GRIK2: variants seen among roughly 807,000 people sequenced by gnomAD.
GRIK2 encodes glutamate receptor ionotropic, kainate 2.
GRIK2 carries 32 observed loss-of-function variants against 100.3 expected under a neutral mutation model. That is an observed-to-expected ratio of 0.32 (90% confidence interval 0.24 to 0.43). The LOEUF is 0.43. Ranked by LOEUF, GRIK2 falls within the 20% of genes least tolerant of loss-of-function variation. The pLI is 1.00. For synonymous variants in GRIK2, 417 were observed against 389.4 expected (o/e 1.07, Z -0.83); for missense variants, 843 against 1,114.9 (o/e 0.76, Z 3.47).
chr6:101,518,979 A>G (rs1261170704), intron 2 of GRIK2, among the ~76,000 whole-genome samples: 2 of 152,188 alleles, frequency 1.3e-5, no homozygotes, highest in Non-Finnish European at 2.9e-5. Flanking sequence ...TAGAACTTTC[A>G]GGAGGAAAAC....
intron 2 of GRIK2, among the ~76,000 whole-genome samples, chr6:101,513,891 A>G (rs1774445612): frequency 6.6e-6 from 1 of 152,186 alleles, no homozygotes; most frequent in Admixed American, 6.6e-5. Flanking sequence ...AAAAAGGAAG[A>G]GATAATACAA....
At chr6:102,030,948 C>T (rs1769952657) in intron 14 of GRIK2, among the ~76,000 whole-genome samples, 1 of 150,938 alleles carries the variant, frequency 6.6e-6, no homozygotes, top group South Asian at 2.1e-4. Flanking sequence ...AATCTTTCTC[C>T]CCTAAAATTT....
chr6:101,588,667 C>T (rs974353705), intron 2 of GRIK2, among the ~76,000 whole-genome samples: 9 of 144,746 alleles, frequency 6.2e-5, no homozygotes, highest in Non-Finnish European at 7.5e-5. Context: ...CACACGCACA[C>T]GCACACACAC....
chr6:101,612,420 G>A (rs913671425), intron 2 of GRIK2, among the ~76,000 whole-genome samples: 5 of 151,842 alleles, frequency 3.3e-5, no homozygotes, highest in African/African-American at 9.7e-5. Context: ...ATTAATGTTT[G>A]TAAAATACAC....
intron 2 of GRIK2, among the ~76,000 whole-genome samples, chr6:101,604,942 T>C (rs898108952): frequency 6.6e-6 from 1 of 151,892 alleles, no homozygotes; most frequent in Admixed American, 6.6e-5. Context: ...ACAAGAACAA[T>C]ATAGTAAAAT....
intron 14 of GRIK2, among the ~76,000 whole-genome samples, chr6:102,008,335 G>T (rs572089434): frequency 6.6e-6 from 1 of 152,162 alleles, no homozygotes; most frequent in Non-Finnish European, 1.5e-5. Context: ...AAACAGAATG[G>T]AGTAGTTTTG....
chr6:101,621,923 A>C, intron 2 of GRIK2, 26 bp from the exon 3 acceptor site: 1 of 1,520,862 alleles, frequency 6.6e-7, no homozygotes, highest in Non-Finnish European at 9.1e-7. Context: ...TGTAAAATTT[A>C]TGATTTTTCT....
chr6:101,397,483 A>G (rs573861333), intron 1 of GRIK2, among the ~76,000 whole-genome samples: 1 of 152,358 alleles, frequency 6.6e-6, no homozygotes, highest in South Asian at 2.1e-4. Flanking sequence ...TGCCTGCTAT[A>G]CTGCAGAACT....
intron 7 of GRIK2, among the ~76,000 whole-genome samples, chr6:101,782,171 G>A (rs958736158): frequency 2.6e-5 from 4 of 152,094 alleles, no homozygotes; most frequent in Admixed American, 6.6e-5. Flanking sequence ...TATTCACTAT[G>A]TCTAGCATTT....
intron 7 of GRIK2, among the ~76,000 whole-genome samples, chr6:101,731,742 C>A (rs903710588): frequency 4.0e-5 from 6 of 151,880 alleles, no homozygotes; most frequent in African/African-American, 2.4e-5. Context: ...ATGCAAATGG[C>A]ATCAAAATAT....
chr6:101,722,374 T>A (rs1203414436), intron 7 of GRIK2, among the ~76,000 whole-genome samples: 1 of 152,078 alleles, frequency 6.6e-6, no homozygotes, highest in Non-Finnish European at 1.5e-5. Context: ...CTAATTATGA[T>A]GGCTTTATCT....
intron 7 of GRIK2, among the ~76,000 whole-genome samples, chr6:101,753,124 T>C (rs2128385576): frequency 6.6e-6 from 1 of 151,626 alleles, no homozygotes; most frequent in South Asian, 2.1e-4. Flanking sequence ...CTACTAAAAA[T>C]ACAAAAAATT....
chr6:101,513,823 A>G (rs1774441156), intron 2 of GRIK2, among the ~76,000 whole-genome samples: 2 of 122,100 alleles, frequency 1.6e-5, no homozygotes, highest in African/African-American at 3.6e-5. Flanking sequence ...CATTGGTCAG[A>G]TAAGTATTTA....
Position 101,761,409 on chromosome 6 carries a change from TATA to T in GRIK2, c.952-38237_952-38235del. Among the ~76,000 whole-genome samples, 3 of 152,142 alleles carry T rather than the reference TATA, an allele frequency of 2.0e-5. No individual in the cohort carries two copies. In the South Asian group the frequency reaches 6.2e-4, roughly 32 times the overall value. On this transcript the variant is annotated intron_variant, in intron 7 of 16. Transcript: ENST00000369134. ...TAATACAGGTTCCCCTAAAGGCAAATATAACTGACTCATTAGGAAATCAGTTGG... is the reference window on the plus strand; with the variant it reads ...TAATACAGGTTCCCCTAAAGGCAAATACTGACTCATTAGGAAATCAGTTGG...
chr6:101,917,086 T>C (rs370352092), intron 12 of GRIK2, among the ~76,000 whole-genome samples: 1 of 151,618 alleles, frequency 6.6e-6, no homozygotes, highest in East Asian at 1.9e-4. Flanking sequence ...TCCTGACATT[T>C]AATCTAATTT....
intron 14 of GRIK2, among the ~76,000 whole-genome samples, chr6:101,931,818 A>C (rs2128472752): frequency 6.6e-6 from 1 of 152,252 alleles, no homozygotes; most frequent in African/African-American, 2.4e-5. Flanking sequence ...ATATGTTCTT[A>C]ATCATATTTA....
chr6:102,038,263 G>C (rs1278258927), intron 15 of GRIK2, among the ~76,000 whole-genome samples: 2 of 151,524 alleles, frequency 1.3e-5, no homozygotes, highest in African/African-American at 4.8e-5. Flanking sequence ...GTAGTTATGA[G>C]AGGTGGAAGC....
chr6:101,902,252 C>T (rs1445479752), intron 12 of GRIK2, among the ~76,000 whole-genome samples: 2 of 151,710 alleles, frequency 1.3e-5, no homozygotes, highest in East Asian at 1.9e-4. Flanking sequence ...CCCTAGGATA[C>T]CACTAATATG....
chr6:101,501,869 C>G (rs1275246809), intron 2 of GRIK2, among the ~76,000 whole-genome samples: 4 of 152,030 alleles, frequency 2.6e-5, no homozygotes, highest in African/African-American at 9.7e-5. Flanking sequence ...GCGATCCTCC[C>G]ACCTCAGCCT....
Sources: allele counts gnomAD v4.1 joint callset (sites outside exome capture counted in the v4.1 genomes callset), GRCh38; gene constraint gnomAD v4.1.1; transcripts MANE v1.5; gene names NCBI Gene and HGNC (gene_info 2026-07-23, HGNC 2026-07-21).